Variants in SHTN1 observed in about 807,000 individuals in gnomAD.
SHTN1 encodes shootin 1, also known as shootin-1.
In SHTN1, 42 loss-of-function variants were observed where a neutral mutation model predicts 83.1. The observed-to-expected ratio is 0.51, with a 90% CI of 0.39 to 0.65. The LOEUF is 0.65. Ranked by LOEUF, SHTN1 falls within the 30% of genes least tolerant of loss-of-function variation. SHTN1 has a pLI of 0.00. For synonymous variants in SHTN1, 224 were observed against 247.7 expected, an observed-to-expected ratio of 0.90 and a Z score of 0.90; for missense variants, 622 against 737.8, an observed-to-expected ratio of 0.84 and a Z score of 1.82.
chr10:116,881,786 T>G lies in SHTN1; in HGVS notation c.*4558A>C. On this transcript the variant is annotated 3_prime_UTR_variant, in exon 17 of 17. Coordinates refer to ENST00000355371, the MANE Select transcript of SHTN1 (RefSeq NM_001127211.3). ...TCTTCAACTTCACCAACTCTTGTGG[T>G]TTTTATTCTTCTAATTCCACTGTTT... 1.3e-6 allele frequency: 1 copy of G among 753,468 alleles called. No homozygotes were observed. The highest frequency in any genetic ancestry group is 1.9e-6 in the Non-Finnish European group (1 of 526,030). 46.7% of individuals were successfully genotyped at this position (753,468 alleles called of 1,614,324 possible).
chr10:117,107,493 G>A (rs769950847), intron 1 of SHTN1, among the ~76,000 whole-genome samples: 1 of 152,220 alleles, frequency 6.6e-6, no homozygotes, highest in African/African-American at 2.4e-5. Context: ...TTGTCAACAA[G>A]AGCAATCCTG....
chr10:117,005,184 C>T lies in SHTN1; in HGVS notation c.-105G>A, dbSNP rs1425426281. The T allele has an allele frequency of 1.3e-6, 2 of 1,537,384 alleles. No homozygotes were observed. Among genetic ancestry groups the T allele is most frequent in the Non-Finnish European group, 8.8e-7 (1 of 1,142,338 alleles). On this transcript the variant is annotated 5_prime_UTR_variant, in exon 1 of 17. Coordinates refer to ENST00000355371, the MANE Select transcript of SHTN1 (RefSeq NM_001127211.3). The stretch of plus-strand genomic sequence containing the variant: ...ATGCCGGTGGCTTGCGGCTCCACTA[C>T]CCGGAAGTTGGATCCGCTCCCGCTC...
At chr10:117,030,643 ATTT>A (rs1852401791) in intron 2 of SHTN1, among the ~76,000 whole-genome samples, 1 of 152,066 alleles carries the variant, frequency 6.6e-6, no homozygotes, top group African/African-American at 2.4e-5. Context: ...TATCAGACCA[ATTT>A]AACAAAGTGA....
intron 4 of SHTN1, among the ~76,000 whole-genome samples, chr10:116,955,702 C>T (rs1849957350): frequency 6.6e-6 from 1 of 152,170 alleles, no homozygotes; most frequent in Non-Finnish European, 1.5e-5. Context: ...GTGGCATGGT[C>T]TGGAGCACGA....
intron 2 of SHTN1, among the ~76,000 whole-genome samples, chr10:117,038,422 G>A (rs887674710): frequency 6.6e-6 from 1 of 151,856 alleles, no homozygotes; most frequent in South Asian, 2.1e-4. Flanking sequence ...TTACAGGCAT[G>A]AGCCAATGCA....
intron 6 of SHTN1, among the ~76,000 whole-genome samples, chr10:116,950,461 C>T (rs1849736699): frequency 6.6e-6 from 1 of 152,220 alleles, no homozygotes; most frequent in Non-Finnish European, 1.5e-5. Context: ...AGCCACTGAA[C>T]TCAGCCCCAT....
intron 2 of SHTN1, among the ~76,000 whole-genome samples, chr10:116,976,097 G>A (rs1240435838): frequency 1.3e-5 from 2 of 152,164 alleles, no homozygotes; most frequent in African/African-American, 2.4e-5. Flanking sequence ...ACTCTGCCAT[G>A]GTCTGTGTAA....
intron 1 of SHTN1, among the ~76,000 whole-genome samples, chr10:117,125,502 G>A (rs1265760136): frequency 6.6e-6 from 1 of 151,882 alleles, no homozygotes; most frequent in African/African-American, 2.4e-5. Context: ...TTGTAACTGG[G>A]CTTTCCTCCC....
At chr10:117,122,606 A>C (rs1310780875) in intron 1 of SHTN1, among the ~76,000 whole-genome samples, 1 of 152,212 alleles carries the variant, frequency 6.6e-6, no homozygotes, top group Non-Finnish European at 1.5e-5. Context: ...CACATCTCTT[A>C]GGACAATACT....
chr10:117,050,455 G>A (rs934443451), intron 1 of SHTN1, among the ~76,000 whole-genome samples: 1 of 152,078 alleles, frequency 6.6e-6, no homozygotes, highest in Non-Finnish European at 1.5e-5. Flanking sequence ...TGAAAGCAGT[G>A]CTCAGAGGGA....
chr10:117,125,642 C>T (rs1853992777), intron 1 of SHTN1, among the ~76,000 whole-genome samples: 1 of 152,120 alleles, frequency 6.6e-6, no homozygotes, highest in South Asian at 2.1e-4. Context: ...GAGACCCCCA[C>T]CTCCTTCACA....
intron 2 of SHTN1, among the ~76,000 whole-genome samples, chr10:116,970,397 C>T (rs1032227804): frequency 1.3e-5 from 2 of 152,044 alleles, no homozygotes; most frequent in Non-Finnish European, 2.9e-5. Context: ...TGAATAAAGC[C>T]GTATGTATCA....
chr10:116,930,152 AC>A lies in SHTN1; in HGVS notation c.859-151del, dbSNP rs1807266759. ...CTTAACAACCATGCAAATGCTAGAT[AC>A]AATTAACACACAATCATAAATCAGC... On this transcript the variant is annotated intron_variant, in intron 9 of 16. Coordinates refer to ENST00000355371, the MANE Select transcript of SHTN1 (RefSeq NM_001127211.3). 6 of 506,290 alleles carry A rather than the reference AC, an allele frequency of 1.2e-5. No individual in the cohort carries two copies. The East Asian group carries it at 1.9e-4, about 16-fold the overall frequency. The allele number at this position is 506,290 out of a possible 1,614,324, so 31.4% of individuals were successfully genotyped here. A position where few individuals can be genotyped will look rare whatever the true frequency, so the allele number is the denominator to read the frequency against.
upstream of SHTN1, among the ~76,000 whole-genome samples, chr10:117,010,461 G>C (rs968283281): frequency 2.6e-5 from 4 of 152,184 alleles, no homozygotes; most frequent in South Asian, 8.3e-4. Context: ...ATGAAAATAA[G>C]TTCAGGCCCA....
intron 1 of SHTN1, among the ~76,000 whole-genome samples, chr10:117,061,901 T>C (rs1852909535): frequency 6.6e-6 from 1 of 152,186 alleles, no homozygotes; most frequent in East Asian, 1.9e-4. Flanking sequence ...CTTACTGACG[T>C]GTGCACAATG....
intron 13 of SHTN1, 39 bp downstream of exon 13, chr10:116,915,336 A>G: frequency 9.4e-7 from 1 of 1,063,008 alleles, no homozygotes; most frequent in Admixed American, 1.9e-5. Flanking sequence ...TAAAAAAGGA[A>G]ATATCAAACA....
At chr10:116,968,776 G>A (rs1850491512) in intron 2 of SHTN1, 64 bp from the exon 3 acceptor site, 1 of 1,293,944 alleles carries the variant, frequency 7.7e-7, no homozygotes, top group Non-Finnish European at 1.1e-6. Flanking sequence ...GAAAAGGCAA[G>A]CAAGAGCAAA....
chr10:117,000,235 G>A (rs1262475369), intron 1 of SHTN1, among the ~76,000 whole-genome samples: 6 of 152,180 alleles, frequency 3.9e-5, no homozygotes, highest in Non-Finnish European at 8.8e-5. Context: ...CAATGCTTCC[G>A]TTTTCCCAGA....
chr10:116,952,035 A>T, intron 5 of SHTN1, 29 bp from the exon 6 acceptor site: 1 of 1,148,114 alleles, frequency 8.7e-7, no homozygotes, highest in Non-Finnish European at 1.2e-6. Context: ...AAAATATATA[A>T]ATAAACTTAT....
Sources: allele counts gnomAD v4.1 joint callset (sites outside exome capture counted in the v4.1 genomes callset), GRCh38; gene constraint gnomAD v4.1.1; transcripts MANE v1.5; gene names NCBI Gene and HGNC (gene_info 2026-07-23, HGNC 2026-07-21).